Variants in PARD3 observed in about 807,000 individuals in gnomAD.
PARD3 encodes partitioning defective 3 homolog.
PARD3 carries 75 observed loss-of-function variants against 155.4 expected under a neutral mutation model. The observed-to-expected ratio is 0.48, with a 90% confidence interval of 0.40 to 0.58. PARD3 has a LOEUF of 0.58. PARD3 is among the 20% of genes least tolerant of loss of function. The probability of loss-of-function intolerance (pLI) is 0.00; values close to 1 mark genes in which losing one functional copy is unlikely to be tolerated. For missense variants in PARD3, 1,642 were observed against 1,721.7 expected (o/e 0.95, Z 0.82); for synonymous variants, 576 against 610.5 (o/e 0.94, Z 0.83).
intron 5 of PARD3, among the ~76,000 whole-genome samples, chr10:34,437,053 G>A (rs1347807781): frequency 1.3e-5 from 2 of 148,586 alleles, no homozygotes; most frequent in African/African-American, 4.9e-5. Context: ...TATCACCTTT[G>A]CAAAATTCAA....
intron 6 of PARD3, 63 bp from the exon 7 acceptor site, chr10:34,399,476 A>C (rs1178589723): frequency 3.9e-6 from 4 of 1,036,732 alleles, no homozygotes; most frequent in African/African-American, 1.6e-5. Context: ...AAACCAAAAC[A>C]AAACAAAACA....
chr10:34,536,867 G>T (rs745779951), intron 2 of PARD3, among the ~76,000 whole-genome samples: 5 of 152,122 alleles, frequency 3.3e-5, no homozygotes, highest in Non-Finnish European at 5.9e-5. Flanking sequence ...TTAAATTTTT[G>T]ATATTCATGA....
At chr10:34,731,453 A>G (rs2094815479) in intron 1 of PARD3, among the ~76,000 whole-genome samples, 1 of 152,242 alleles carries the variant, frequency 6.6e-6, no homozygotes, top group Non-Finnish European at 1.5e-5. Flanking sequence ...TGATTAGCAC[A>G]TTACCTGAAC....
At chr10:34,409,183 T>C (rs1374901577) in intron 5 of PARD3, among the ~76,000 whole-genome samples, 1 of 152,164 alleles carries the variant, frequency 6.6e-6, no homozygotes, top group African/African-American at 2.4e-5. Flanking sequence ...ATATACAACA[T>C]GACTCCATAC....
At position 34,345,284 on chromosome 10, in the gene PARD3, G is replaced by C. The variant is rs147392185; in HGVS notation, c.2218+2681C>G. ...TCCTTTTGGGGTGTATCTTTTAAAA[G>C]CCTTTCGCCAGGGATGTGTTCACAT... On this transcript the variant is annotated intron_variant, in intron 15 of 24. Transcript: ENST00000374788. 3.6e-4 allele frequency: 354 copies of C among 985,364 alleles called. 2 individuals carry two copies. In the African/African-American group the frequency reaches 5.5e-3, roughly 15 times the overall value. The allele number at this position is 985,364 out of a possible 1,614,324, so 61.0% of individuals were successfully genotyped here.
chr10:34,357,811 AAAC>A (rs1470392796), intron 14 of PARD3, among the ~76,000 whole-genome samples: 1 of 152,204 alleles, frequency 6.6e-6, no homozygotes, highest in Non-Finnish European at 1.5e-5. Context: ...TGGCAAATAA[AAAC>A]AACAAAATAA....
chr10:34,415,709 T>C (rs1845601481), intron 5 of PARD3, among the ~76,000 whole-genome samples: 1 of 152,156 alleles, frequency 6.6e-6, no homozygotes, highest in Non-Finnish European at 1.5e-5. Context: ...AAGGAGACAC[T>C]TGGAGGGGAC....
chr10:34,456,776 T>C (rs1179975739), intron 4 of PARD3, among the ~76,000 whole-genome samples: 4 of 152,230 alleles, frequency 2.6e-5, no homozygotes, highest in African/African-American at 9.6e-5. Context: ...GTATTATCCA[T>C]AGTTCTTAAA....
intron 22 of PARD3, among the ~76,000 whole-genome samples, chr10:34,145,215 A>ATT (rs1431781010): frequency 4.8e-3 from 278 of 57,506 alleles, no homozygotes; most frequent in Non-Finnish European, 6.5e-3. Context: ...ATATATATAT[A>ATT]TATATATTTT....
intron 3 of PARD3, among the ~76,000 whole-genome samples, chr10:34,476,610 T>C (rs567831377): frequency 2.6e-5 from 4 of 152,276 alleles, no homozygotes; most frequent in South Asian, 2.1e-4. Flanking sequence ...AGAGGCTGCA[T>C]TGCTGGGTTT....
intron 22 of PARD3, among the ~76,000 whole-genome samples, chr10:34,261,468 C>T (rs1954955569): frequency 6.6e-6 from 1 of 152,056 alleles, no homozygotes; most frequent in African/African-American, 2.4e-5. Flanking sequence ...GTGGGTGGAT[C>T]ACTTGAGGCC....
At chr10:34,258,488 T>A (rs981242204) in intron 22 of PARD3, among the ~76,000 whole-genome samples, 1 of 151,714 alleles carries the variant, frequency 6.6e-6, no homozygotes, top group Admixed American at 6.6e-5. Flanking sequence ...CTAGAGGAGG[T>A]TTAGAATGAA....
chr10:34,783,789 C>T (rs918027951), intron 1 of PARD3, among the ~76,000 whole-genome samples: 2 of 152,056 alleles, frequency 1.3e-5, no homozygotes, highest in Non-Finnish European at 1.5e-5. Flanking sequence ...TGGCTTAGTA[C>T]GTTGCCAAAT....
intron 2 of PARD3, among the ~76,000 whole-genome samples, chr10:34,665,501 C>A (rs1257864724): frequency 6.7e-6 from 1 of 149,110 alleles, no homozygotes; most frequent in African/African-American, 2.5e-5. Context: ...GCCTGGGCAA[C>A]AAGAGCAAAA....
rs1385183641 is a variant in PARD3, at chr10:34,635,713, GA to G, written c.222+60604del. Among the ~76,000 whole-genome samples, 5 of 152,330 alleles carry G rather than the reference GA, an allele frequency of 3.3e-5. No homozygotes were observed. In the East Asian group the frequency reaches 9.6e-4, roughly 29 times the overall value. On this transcript the variant is annotated intron_variant, in intron 2 of 24. Coordinates refer to ENST00000374788, the MANE Select transcript of PARD3 (RefSeq NM_001184785.2). ...TGCTATTCATTCAATCTTAAAGGAT[GA>G]TGTAGGAAGAGAAAAGAACAAGTGA...
At chr10:34,180,140 C>T (rs770854081) in intron 22 of PARD3, among the ~76,000 whole-genome samples, 11 of 152,120 alleles carry the variant, frequency 7.2e-5, no homozygotes, top group Non-Finnish European at 1.6e-4. Flanking sequence ...CTCCCCGTCC[C>T]GGGTTCAAGC....
chr10:34,269,767 A>C lies in PARD3; in HGVS notation c.3309T>G (p.Gly1103=), dbSNP rs1589004202. 1 of 1,613,926 alleles carries C rather than the reference A, an allele frequency of 6.2e-7. No individual in the cohort carries two copies. Among genetic ancestry groups the C allele is most frequent in the Non-Finnish European group, 8.5e-7 (1 of 1,179,950 alleles). The stretch of plus-strand genomic sequence containing the variant: ...GAGGTCTAGCGTTGAGAGCCATGGA[A>C]CCTTCATAAGAAGAAACTCCCCCAT... ...LMYGGVSSYE[G]SMALNARPQS... is the part of the protein sequence containing the mutation. Residue 1103 remains glycine, a synonymous_variant, in exon 22 of 25, where the codon GGT becomes GGG. Transcript: ENST00000374788.
chr10:34,263,856 C>T (rs1955155873), intron 22 of PARD3, among the ~76,000 whole-genome samples: 2 of 152,108 alleles, frequency 1.3e-5, no homozygotes. Context: ...TAATTAGATG[C>T]ATAACAAAAT....
At chr10:34,179,467 C>T (rs1950178697) in intron 22 of PARD3, among the ~76,000 whole-genome samples, 1 of 152,166 alleles carries the variant, frequency 6.6e-6, no homozygotes, top group Non-Finnish European at 1.5e-5. Context: ...TCATATAAAT[C>T]AACTCAAAAT....
Sources: allele counts gnomAD v4.1 joint callset (sites outside exome capture counted in the v4.1 genomes callset), GRCh38; gene constraint gnomAD v4.1.1; transcripts MANE v1.5; gene names NCBI Gene and HGNC (gene_info 2026-07-23, HGNC 2026-07-21).